The following ANGPTL5 variants were observed in gnomAD, a reference collection of about 807,000 sequenced individuals.
ANGPTL5 encodes angiopoietin like 5.
In ANGPTL5, 34 loss-of-function variants were observed where a neutral mutation model predicts 39.4. The observed-to-expected ratio is 0.86, with a 90% CI of 0.66 to 1.15. ANGPTL5 has a LOEUF of 1.15. Ranked by LOEUF, ANGPTL5 falls within the 50% of genes most tolerant of loss-of-function variation. The pLI, the probability that ANGPTL5 is intolerant of heterozygous loss-of-function variation, is 0.00. For missense variants in ANGPTL5, 467 were observed against 457.5 expected (o/e 1.02, Z -0.19); for synonymous variants, 146 against 152.1 (o/e 0.96, Z 0.29).
intron 1 of ANGPTL5, among the ~76,000 whole-genome samples, chr11:101,914,814 A>C (rs1940160832): frequency 6.6e-6 from 1 of 152,164 alleles, no homozygotes; most frequent in South Asian, 2.1e-4. Flanking sequence ...CTCTCATAAA[A>C]AGGGAGGCAG....
At position 101,902,696 on chromosome 11, in the gene ANGPTL5, A is replaced by G. The variant is rs1309243734; in HGVS notation, c.465T>C (p.Asp155=). Residue 155 remains aspartate (D), a synonymous_variant, in exon 6 of 9, where the codon GAT becomes GAC. Coordinates refer to ENST00000334289, the MANE Select transcript of ANGPTL5 (RefSeq NM_178127.5). ...SHGLDCTDIK[D]TIGSVTKTPS... is the part of the protein sequence containing the mutation. ...GTGTTTTGGTGACAGAGCCAATGGT[A>G]TCCTTAATATCAGTGCAATCTAAAC... 12 of 1,610,910 alleles carry G rather than the reference A, an allele frequency of 7.4e-6. No homozygotes were observed. The highest frequency in any genetic ancestry group is 1.0e-5 in the Non-Finnish European group (12 of 1,177,674).
chr11:101,900,374 T>TAG, intron 7 of ANGPTL5, 56 bp downstream of exon 7: 1 of 1,556,186 alleles, frequency 6.4e-7, no homozygotes, highest in Non-Finnish European at 8.8e-7. Flanking sequence ...AGAGGCTCTA[T>TAG]AGATATAATA....
rs1018702024 is a variant in ANGPTL5, at chr11:101,916,230, T to G, written c.-304A>C. On this transcript the variant is annotated 5_prime_UTR_variant, in exon 1 of 9. Coordinates refer to ENST00000334289, the MANE Select transcript of ANGPTL5 (RefSeq NM_178127.5). ...GAGTGTCTTCTCTTTCCAAGTTAAC[T>G]CTGTTTTCTTATCCCCTTTGTCTCC... 1 of 152,246 alleles carries G rather than the reference T, an allele frequency of 6.6e-6. No homozygotes were observed. Among genetic ancestry groups the G allele is most frequent in the Non-Finnish European group, 1.5e-5 (1 of 68,038 alleles). The allele number at this position is 152,246 out of a possible 1,614,324, so 9.4% of individuals were successfully genotyped here. A position where few individuals can be genotyped will look rare whatever the true frequency, so the allele number is the denominator to read the frequency against.
In ANGPTL5 at chr11:101,897,330, C is replaced by A. The variant is rs538798483; in HGVS notation, c.662-2266G>T. 3.8e-3 allele frequency among the ~76,000 whole-genome samples: 571 copies of A among 152,238 alleles called. 5 individuals carry two copies. The highest frequency in any genetic ancestry group is 0.013 in the African/African-American group (544 of 41,550). The stretch of plus-strand genomic sequence containing the variant: ...TGCCTATTCACTCTGATGATAGTTT[C>A]TTTTGCTGTGCAGGAGCTCTTTAGT... On this transcript the variant is annotated intron_variant, in intron 7 of 8. Coordinates refer to ENST00000334289, the MANE Select transcript of ANGPTL5 (RefSeq NM_178127.5).
intron 1 of ANGPTL5, among the ~76,000 whole-genome samples, chr11:101,913,139 A>G (rs941203599): frequency 6.6e-6 from 1 of 152,178 alleles, no homozygotes; most frequent in African/African-American, 2.4e-5. Context: ...TGGACAACAG[A>G]CTGATTTCAA....
intron 7 of ANGPTL5, among the ~76,000 whole-genome samples, chr11:101,897,990 G>A (rs544657679): frequency 5.9e-5 from 9 of 152,084 alleles, no homozygotes; most frequent in East Asian, 5.8e-4. Flanking sequence ...TTGGGAGGCC[G>A]AGGCAGGTGG....
At chr11:101,891,622 C>T (rs376449307) in intron 8 of ANGPTL5, 24 bp from the exon 9 acceptor site, 14 of 1,603,998 alleles carry the variant, frequency 8.7e-6, no homozygotes, top group African/African-American at 2.7e-5. Context: ...TTTTAATGAT[C>T]GAATTTAAAG....
intron 5 of ANGPTL5, among the ~76,000 whole-genome samples, chr11:101,903,519 C>T (rs919658811): frequency 6.6e-6 from 1 of 152,074 alleles, no homozygotes; most frequent in Non-Finnish European, 1.5e-5. Context: ...TAACTATTTA[C>T]GTAGTAAGGT....
At chr11:101,904,457 A>G (rs1939964069) in intron 5 of ANGPTL5, among the ~76,000 whole-genome samples, 1 of 152,132 alleles carries the variant, frequency 6.6e-6, no homozygotes, top group African/African-American at 2.4e-5. Context: ...TGTCAAAAAC[A>G]TTTTTTACAG....
chr11:101,902,027 A>G (rs754034200), intron 6 of ANGPTL5, among the ~76,000 whole-genome samples: 12 of 152,104 alleles, frequency 7.9e-5, no homozygotes, highest in South Asian at 2.1e-4. Flanking sequence ...TTTCTACTAG[A>G]TATCCTTGCA....
intron 1 of ANGPTL5, 21 bp downstream of exon 1, chr11:101,915,998 C>G (rs893344260): frequency 2.6e-5 from 4 of 152,200 alleles, no homozygotes; most frequent in African/African-American, 9.7e-5. Flanking sequence ...TGACTTTTCT[C>G]GAAGAGTTGG....
At chr11:101,900,651 T>C in intron 6 of ANGPTL5, 101 bp from the exon 7 acceptor site, 6 of 1,201,616 alleles carry the variant, frequency 5.0e-6, no homozygotes, top group Non-Finnish European at 7.2e-6. Flanking sequence ...AAAGAGACGG[T>C]ACTGCCACTG....
chr11:101,900,151 G>C (rs1477211927), intron 7 of ANGPTL5, among the ~76,000 whole-genome samples: 3 of 152,156 alleles, frequency 2.0e-5, no homozygotes, highest in Non-Finnish European at 2.9e-5. Flanking sequence ...GCACCTGCCA[G>C]AATTCTGCTG....
chr11:101,900,845 G>T (rs953255658), intron 6 of ANGPTL5, among the ~76,000 whole-genome samples: 6 of 151,504 alleles, frequency 4.0e-5, no homozygotes, highest in African/African-American at 1.5e-4. Flanking sequence ...TGTATTTGCA[G>T]CTTTTTTTTC....
chr11:101,904,840 A>G lies in ANGPTL5; in HGVS notation c.413T>C (p.Phe138Ser). 6.2e-7 allele frequency: 1 copy of G among 1,613,710 alleles called. No homozygotes were observed. Among genetic ancestry groups the G allele is most frequent in the Non-Finnish European group, 8.5e-7 (1 of 1,179,638 alleles). ...ATGTGACTGAACAGGTCTGTGAGGAAAAGGATCCAGCTGTTTTCTAAAAAC... is the reference window on the plus strand; with the variant it reads ...ATGTGACTGAACAGGTCTGTGAGGAGAAGGATCCAGCTGTTTTCTAAAAAC... ...TEVFRKQLDP[F>S]PHRPVQSHGL... is the part of the protein sequence containing the mutation. The change falls in exon 5 of 9, where the codon TTT becomes TCT. Residue 138 changes from phenylalanine (F) to serine (S), a missense_variant. By Grantham distance (155) the Phe-to-Ser change is radical. Coordinates refer to ENST00000334289, the MANE Select transcript of ANGPTL5 (RefSeq NM_178127.5).
chr11:101,891,992 C>G lies in ANGPTL5; in HGVS notation c.848-394G>C, dbSNP rs114218670. ...GTTTCCTTACCACTACCATTTATGT[C>G]ACTTTAGCTAGAGAAACTTTTACCT... On this transcript the variant is annotated intron_variant, in intron 8 of 8. Transcript: ENST00000334289. Among the ~76,000 whole-genome samples the G allele has an allele frequency of 9.2e-4, 140 of 152,254 alleles. 1 individual carries two copies. Among genetic ancestry groups the G allele is most frequent in the African/African-American group, 3.2e-3 (134 of 41,564 alleles).
intron 8 of ANGPTL5, 26 bp from the exon 9 acceptor site, chr11:101,891,624 A>C (rs758233381): frequency 1.3e-6 from 2 of 1,596,902 alleles, no homozygotes; most frequent in Non-Finnish European, 8.6e-7. Flanking sequence ...TTAATGATCG[A>C]ATTTAAAGGA....
chr11:101,894,178 T>A (rs569584061), intron 8 of ANGPTL5, among the ~76,000 whole-genome samples: 40 of 152,184 alleles, frequency 2.6e-4, no homozygotes, highest in Admixed American at 1.8e-3. Context: ...CCCCTTTATA[T>A]TGGGAGCAGT....
intron 1 of ANGPTL5, among the ~76,000 whole-genome samples, chr11:101,914,186 G>C (rs1940143140): frequency 6.6e-6 from 1 of 152,124 alleles, no homozygotes; most frequent in Admixed American, 6.5e-5. Context: ...TCTTTATTTG[G>C]TCTGTACTTT....
Sources: gnomAD v4.1 joint callset for allele counts (sites outside exome capture counted in the v4.1 genomes callset) on GRCh38, gnomAD v4.1.1 for gene constraint, MANE v1.5 for transcripts, NCBI Gene and HGNC (gene_info 2026-07-23, HGNC 2026-07-21) for gene names.